Variants in CABIN1 observed in about 807,000 individuals in gnomAD.
The protein encoded by CABIN1 is calcineurin-binding protein cabin-1.
Under a neutral mutation model 227.7 loss-of-function variants are expected in CABIN1, and 133 were observed. The ratio of observed to expected loss-of-function variants is 0.58; its 90% confidence interval spans 0.51 to 0.67. CABIN1 has a LOEUF of 0.67. CABIN1 is among the 30% of genes least tolerant of loss of function. The pLI, the probability that CABIN1 is intolerant of heterozygous loss-of-function variation, is 0.00. For synonymous variants in CABIN1, 1,086 were observed against 1,155.1 expected (o/e 0.94, Z 1.21); for missense variants, 2,408 against 2,852.5 (o/e 0.84, Z 3.55).
intron 29 of CABIN1, among the ~76,000 whole-genome samples, chr22:24,135,573 C>T (rs2044346481): frequency 6.6e-6 from 1 of 152,194 alleles, no homozygotes; most frequent in African/African-American, 2.4e-5. Flanking sequence ...TCCCCCATTT[C>T]CTCTGTCCTG....
intron 23 of CABIN1, among the ~76,000 whole-genome samples, chr22:24,090,301 G>C (rs1474725536): frequency 6.6e-6 from 1 of 152,194 alleles, no homozygotes; most frequent in Non-Finnish European, 1.5e-5. Context: ...GGTGGGCAGG[G>C]GGGCTAGTGA....
Position 24,119,696 on chromosome 22 carries a change from C to T in CABIN1, c.4630C>T (p.Arg1544Trp), listed in dbSNP as rs58999673. The T allele has an allele frequency of 5.3e-5, 85 of 1,613,612 alleles. No individual in the cohort carries two copies. The highest frequency in any genetic ancestry group is 6.4e-5 in the Non-Finnish European group (75 of 1,179,840). ...AFLYTYSKTH[R>W]NLQWARDVLL... ...CCTCTACACCTACAGCAAGACCCAC[C>T]GGGTGAGTGGCTGCCGGGCCAAGGG... The change falls in exon 28 of 37, where the codon CGG becomes TGG. Residue 1544 changes from arginine (R) to tryptophan (W), a missense_variant and splice_region_variant. By Grantham distance (101) the Arg-to-Trp change is moderately radical. Coordinates refer to ENST00000263119, the MANE Select transcript of CABIN1 (RefSeq NM_012295.4).
At chr22:24,122,823 T>G (rs758552426) in intron 28 of CABIN1, among the ~76,000 whole-genome samples, 9 of 147,472 alleles carry the variant, frequency 6.1e-5, no homozygotes, top group Admixed American at 3.3e-4. Context: ...ATGCCCTACC[T>G]GTATTTCTTC....
chr22:24,072,665 G>A (rs756051423), intron 18 of CABIN1, among the ~76,000 whole-genome samples, 155 bp downstream of exon 18: 1 of 152,244 alleles, frequency 6.6e-6, no homozygotes, highest in Non-Finnish European at 1.5e-5. Flanking sequence ...AGAGGCAGAA[G>A]TGTCCTTGGT....
Position 24,177,878 on chromosome 22 carries a change from C to T in CABIN1, c.6519+61C>T, listed in dbSNP as rs967850348. On this transcript the variant is annotated intron_variant, in intron 36 of 36. Coordinates refer to ENST00000263119, the MANE Select transcript of CABIN1 (RefSeq NM_012295.4). This position sits in a 1 kb window ranked among gnomAD's most constrained non-coding sequence, Gnocchi z 4.4. The stretch of plus-strand genomic sequence containing the variant: ...TGGGAGGCATAGGTTACAAAGGGGG[C>T]CTAGGATGGGGGTGGGGGTGGCAGG... 20 of 1,551,104 alleles carry T rather than the reference C, an allele frequency of 1.3e-5. No individual in the cohort carries two copies. In the African/African-American group the frequency reaches 2.2e-4, roughly 17 times the overall value.
chr22:24,069,932 C>T (rs958549358), intron 16 of CABIN1, among the ~76,000 whole-genome samples: 15 of 152,216 alleles, frequency 9.9e-5, no homozygotes, highest in African/African-American at 3.1e-4. Flanking sequence ...AATGGGTCAC[C>T]GGGCAGCAGG....
intron 3 of CABIN1, among the ~76,000 whole-genome samples, chr22:24,037,181 G>T (rs2036963478): frequency 6.7e-6 from 1 of 150,342 alleles, no homozygotes; most frequent in Non-Finnish European, 1.5e-5. Context: ...AATAGCTTGA[G>T]CCTGGAAGGC....
chr22:24,028,949 G>A (rs1400855275), intron 1 of CABIN1, among the ~76,000 whole-genome samples: 2 of 152,160 alleles, frequency 1.3e-5, no homozygotes, highest in African/African-American at 2.4e-5. Flanking sequence ...GGCATGTAGA[G>A]GGGACATTTA....
Position 24,171,815 on chromosome 22 carries a change from G to A in CABIN1, c.5860G>A (p.Asp1954Asn). ...VPTAPDPVPA[D>N]SVQRPSDAHT... The stretch of plus-strand genomic sequence containing the variant: ...CACAGCCCCTGACCCTGTGCCAGCT[G>A]ACTCTGTCCAGCGGCCCAGTGATGC... The change falls in exon 34 of 37, where the codon GAC becomes AAC. Residue 1954 changes from aspartate (D) to asparagine (N), a missense_variant. Physicochemically the swap from Asp to Asn is conservative, Grantham distance 23. Around this residue, in one of 3 missense-constraint regions of CABIN1, gnomAD observed 714 missense variants for 773.8 expected, o/e 0.92. Transcript: ENST00000263119. 1.9e-6 allele frequency: 3 copies of A among 1,614,144 alleles called. No homozygotes were observed. Among genetic ancestry groups the A allele is most frequent in the Non-Finnish European group, 2.5e-6 (3 of 1,180,044 alleles).
intron 1 of CABIN1, among the ~76,000 whole-genome samples, chr22:24,028,125 A>T (rs1488718877): frequency 6.6e-6 from 1 of 152,214 alleles, no homozygotes; most frequent in Non-Finnish European, 1.5e-5. Flanking sequence ...GCAGCATTAT[A>T]TCTAAAAAAA....
intron 29 of CABIN1, chr22:24,162,183 A>T (rs546829202): frequency 3.9e-5 from 6 of 152,282 alleles, no homozygotes; most frequent in Non-Finnish European, 7.3e-5. Context: ...GGCCAGCCTC[A>T]TGGCCATAGG....
At chr22:24,036,289 T>A (rs753433665) in intron 3 of CABIN1, 108 bp downstream of exon 3, 127 of 824,960 alleles carry the variant, frequency 1.5e-4, no homozygotes, top group Non-Finnish European at 2.5e-4. Context: ...AGGGGGAAAT[T>A]CCATTTTGAA....
At chr22:24,054,181 A>T (rs1361085762) in intron 8 of CABIN1, among the ~76,000 whole-genome samples, 1 of 152,190 alleles carries the variant, frequency 6.6e-6, no homozygotes, top group Non-Finnish European at 1.5e-5. Flanking sequence ...GAAGCAATTA[A>T]GGGATGGATA....
intron 6 of CABIN1, among the ~76,000 whole-genome samples, chr22:24,047,631 C>T (rs946807130): frequency 1.3e-5 from 2 of 152,244 alleles, no homozygotes; most frequent in East Asian, 1.9e-4. Context: ...CACCTTGGGG[C>T]GTGTGGCCCT....
intron 1 of CABIN1, among the ~76,000 whole-genome samples, chr22:24,018,384 T>C (rs905535622): frequency 2.0e-5 from 3 of 152,244 alleles, no homozygotes; most frequent in Admixed American, 6.5e-5. Flanking sequence ...TACGTAATAC[T>C]AAGTGTTAAT....
At chr22:24,160,402 G>A (rs1325714081) in intron 29 of CABIN1, 2 of 152,310 alleles carry the variant, frequency 1.3e-5, no homozygotes, top group Non-Finnish European at 2.9e-5. Context: ...AGTCATGACT[G>A]AAAGGTGGGG....
At chr22:24,014,910 T>C (rs992272878) in intron 1 of CABIN1, among the ~76,000 whole-genome samples, 10 of 152,140 alleles carry the variant, frequency 6.6e-5, no homozygotes, top group Non-Finnish European at 1.3e-4. Flanking sequence ...TCACATCCTC[T>C]TCTTTCTTAT....
At chr22:24,059,851 C>T in intron 11 of CABIN1, 73 bp from the exon 12 acceptor site, 1 of 1,338,588 alleles carries the variant, frequency 7.5e-7, no homozygotes, top group Non-Finnish European at 1.1e-6. Flanking sequence ...CTTTACTGTC[C>T]CAAAGTAAAT....
At chr22:24,068,960 G>A (rs1203492124) in intron 16 of CABIN1, among the ~76,000 whole-genome samples, 1 of 152,226 alleles carries the variant, frequency 6.6e-6, no homozygotes, top group Admixed American at 6.5e-5. Context: ...TTCTCGAGGG[G>A]GGGCAGACAA....
Sources: gnomAD v4.1 joint callset for allele counts (sites outside exome capture counted in the v4.1 genomes callset) on GRCh38, gnomAD v4.1.1 for gene constraint, gnomAD v4.1.1 regional missense constraint, Gnocchi (gnomAD v3.1) non-coding constraint, MANE v1.5 for transcripts, NCBI Gene and HGNC (gene_info 2026-07-23, HGNC 2026-07-21) for gene names.